The following TPST1 variants were observed in gnomAD, a reference collection of about 807,000 sequenced individuals.
The protein encoded by TPST1 is protein-tyrosine sulfotransferase 1.
In TPST1, 20 loss-of-function variants were observed where a neutral mutation model predicts 34.8. The observed-to-expected ratio is 0.57, with a 90% confidence interval of 0.40 to 0.84. The LOEUF is 0.84. TPST1 is among the 40% of genes least tolerant of loss of function. The pLI, the probability that TPST1 is intolerant of heterozygous loss-of-function variation, is 0.00. For synonymous variants in TPST1, 152 were observed against 159.4 expected, an observed-to-expected ratio of 0.95 and a Z score of 0.35; for missense variants, 353 against 455.5, an observed-to-expected ratio of 0.78 and a Z score of 2.05.
intron 2 of TPST1, among the ~76,000 whole-genome samples, chr7:66,261,874 G>A (rs1194120354): frequency 2.0e-5 from 3 of 152,052 alleles, no homozygotes; most frequent in African/African-American, 4.8e-5. Context: ...ATAGTATCTG[G>A]CATCTAAGTG....
chr7:66,248,675 T>G (rs1247957352), intron 2 of TPST1, among the ~76,000 whole-genome samples: 2 of 151,676 alleles, frequency 1.3e-5, no homozygotes, highest in African/African-American at 2.4e-5. Context: ...AGCTAATTTT[T>G]TTTTTGTGTG....
chr7:66,203,428 T>C (rs1031629408), upstream of TPST1, among the ~76,000 whole-genome samples: 22 of 150,882 alleles, frequency 1.5e-4, no homozygotes, highest in African/African-American at 5.4e-4. Flanking sequence ...TAGAAGGAGA[T>C]ATCATATGTA....
chr7:66,219,822 G>A (rs1789501508), intron 1 of TPST1, among the ~76,000 whole-genome samples: 1 of 152,194 alleles, frequency 6.6e-6, no homozygotes, highest in Admixed American at 6.5e-5. Flanking sequence ...AATTTGCCAT[G>A]TAGCAGTATA....
At chr7:66,278,899 A>G (rs1022888162) in intron 2 of TPST1, among the ~76,000 whole-genome samples, 3 of 152,204 alleles carry the variant, frequency 2.0e-5, no homozygotes, top group East Asian at 1.9e-4. Flanking sequence ...ATGATTCTAA[A>G]CATACATATA....
At chr7:66,245,669 T>C (rs1790132601) in intron 2 of TPST1, among the ~76,000 whole-genome samples, 1 of 152,232 alleles carries the variant, frequency 6.6e-6, no homozygotes, top group African/African-American at 2.4e-5. Context: ...TTCTTATGTC[T>C]TATGGGATTA....
chr7:66,298,911 C>G (rs556169437), intron 3 of TPST1, among the ~76,000 whole-genome samples: 1 of 152,116 alleles, frequency 6.6e-6, no homozygotes, highest in African/African-American at 2.4e-5. Flanking sequence ...ATCACAAGGT[C>G]AGGAGATCGA....
chr7:66,292,724 G>A (rs1452994548), intron 3 of TPST1, among the ~76,000 whole-genome samples: 3 of 139,914 alleles, frequency 2.1e-5, no homozygotes, highest in Non-Finnish European at 3.1e-5. Flanking sequence ...GCTCGCGCAC[G>A]GTGCGCACAC....
chr7:66,240,141 C>T (rs534445389), intron 1 of TPST1, among the ~76,000 whole-genome samples, 184 bp from the exon 2 acceptor site: 7 of 152,104 alleles, frequency 4.6e-5, no homozygotes, highest in Non-Finnish European at 7.4e-5. Context: ...CCCGCCTCGG[C>T]CTCCCAAAGT....
intron 3 of TPST1, among the ~76,000 whole-genome samples, chr7:66,323,699 A>G (rs1002756299): frequency 1.3e-5 from 2 of 152,266 alleles, no homozygotes; most frequent in Non-Finnish European, 2.9e-5. Flanking sequence ...AAAAATTTAC[A>G]TCACCCAATT....
In TPST1 at chr7:66,352,460, G is replaced by T. The variant is rs1368032164; in HGVS notation, c.1045-45G>T. On this transcript the variant is annotated intron_variant, in intron 3 of 5. Coordinates refer to ENST00000304842, the MANE Select transcript of TPST1 (RefSeq NM_003596.4). ...ATGGCACATGTCCTGCAATGATGGG[G>T]ACTGGACCTGTTGCCTTAAACTCAC... 3.7e-6 allele frequency: 6 copies of T among 1,605,370 alleles called. No individual in the cohort carries two copies. The Admixed American group carries it at 5.3e-5, about 14-fold the overall frequency.
chr7:66,302,972 A>G (rs765405737), intron 3 of TPST1, among the ~76,000 whole-genome samples: 3 of 152,082 alleles, frequency 2.0e-5, no homozygotes, highest in Non-Finnish European at 4.4e-5. Flanking sequence ...TTCCCACAGC[A>G]CATTGTATAC....
chr7:66,263,402 T>C (rs1301272356), intron 2 of TPST1, among the ~76,000 whole-genome samples: 1 of 152,212 alleles, frequency 6.6e-6, no homozygotes, highest in Non-Finnish European at 1.5e-5. Context: ...TAACTCTTTC[T>C]GGCCTAATTG....
At chr7:66,253,663 A>T (rs138733694) in intron 2 of TPST1, among the ~76,000 whole-genome samples, 1 of 151,510 alleles carries the variant, frequency 6.6e-6, no homozygotes, top group Non-Finnish European at 1.5e-5. Flanking sequence ...GAGCCACTGC[A>T]CCCAGTCAAG....
rs534737570 is a variant in TPST1 at position 66,263,503 on chromosome 7, A to T, written c.845+22233A>T. Among the ~76,000 whole-genome samples the T allele has an allele frequency of 2.6e-5, 4 of 152,318 alleles. No individual in the cohort carries two copies. The South Asian group carries it at 6.2e-4, about 24-fold the overall frequency. On this transcript the variant is annotated intron_variant, in intron 2 of 5. Transcript: ENST00000304842. ...TAGAGGCTGACAAAAACCTGAGGCA[A>T]TATTTCTTCAAGCAAGCTACCGGTT...
At chr7:66,235,184 A>AT (rs767189278) in intron 1 of TPST1, among the ~76,000 whole-genome samples, 22,138 of 129,788 alleles carry the variant, frequency 0.17, 2,220 homozygotes, top group Middle Eastern at 0.23. Flanking sequence ...TTCTGCATAG[A>AT]TTTTTTTTTT....
At chr7:66,243,040 T>C (rs1370444267) in intron 2 of TPST1, among the ~76,000 whole-genome samples, 1 of 152,156 alleles carries the variant, frequency 6.6e-6, no homozygotes. Context: ...TTTGGGGCTA[T>C]TATGGATCAA....
At chr7:66,285,987 GT>G (rs1791026089) in intron 2 of TPST1, among the ~76,000 whole-genome samples, 2 of 152,252 alleles carry the variant, frequency 1.3e-5, no homozygotes, top group East Asian at 1.9e-4. Context: ...ATGGTTGGCA[GT>G]TTTCCCCCAA....
chr7:66,275,960 T>C (rs879849089), intron 2 of TPST1, among the ~76,000 whole-genome samples: 1 of 152,016 alleles, frequency 6.6e-6, no homozygotes, highest in East Asian at 1.9e-4. Context: ...TTTTAAAACA[T>C]GTTATATATT....
intron 3 of TPST1, among the ~76,000 whole-genome samples, chr7:66,329,321 A>T (rs1333282395): frequency 6.6e-6 from 1 of 152,094 alleles, no homozygotes; most frequent in Non-Finnish European, 1.5e-5. Context: ...TTATAGAGAA[A>T]CCTGGAAAGA....
Sources: allele counts gnomAD v4.1 joint callset (sites outside exome capture counted in the v4.1 genomes callset), GRCh38; gene constraint gnomAD v4.1.1; transcripts MANE v1.5; gene names NCBI Gene and HGNC (gene_info 2026-07-23, HGNC 2026-07-21).